The following RNF126 variants were observed in gnomAD, a reference collection of about 807,000 sequenced individuals.
RNF126 encodes the protein E3 ubiquitin-protein ligase RNF126.
A neutral mutation model predicts 41.9 loss-of-function variants in RNF126; 20 were observed. The observed-to-expected ratio is 0.48, with a 90% confidence interval of 0.34 to 0.69. The LOEUF (loss-of-function observed/expected upper bound fraction) is 0.69, where lower values mean the gene tolerates loss of function less well. Among genes scored for constraint, RNF126 ranks in the 30% least tolerant of loss-of-function variants. The pLI is 0.01. For missense variants in RNF126, 433 were observed against 460.6 expected (o/e 0.94, Z 0.55); for synonymous variants, 239 against 202.9 (o/e 1.18, Z -1.51).
Position 649,226 on chromosome 19 carries a change from G to T in RNF126, c.577-251C>A, listed in dbSNP as rs866821259. On this transcript the variant is annotated intron_variant, in intron 6 of 8. Transcript: ENST00000292363. ...TGGGTCCCTGACAGCGGAATGGGGG[G>T]GGGGGCCGCGCTCCTGAGTGCCCTG... 2.1e-4 allele frequency: 54 copies of T among 257,984 alleles called. 4 individuals carry two copies. The highest frequency in any genetic ancestry group is 9.3e-4 in the African/African-American group (42 of 45,010). 16.0% of individuals were successfully genotyped at this position (257,984 alleles called of 1,614,324 possible).
chr19:655,684 T>C (rs1013249482), intron 1 of RNF126, among the ~76,000 whole-genome samples: 7 of 151,890 alleles, frequency 4.6e-5, no homozygotes, highest in African/African-American at 1.5e-4. Flanking sequence ...GAGCTAGAAC[T>C]TTCACTCCAG....
chr19:648,283 T>C lies in RNF126; in HGVS notation c.787-6A>G. ...CAGACGGGGCAGCTGTCGTGCTTTG[T>C]GGGGACAGAGGCAGGGACGGGAGAA... On this transcript the variant is annotated splice_polypyrimidine_tract_variant and splice_region_variant and intron_variant, in intron 8 of 8. Transcript: ENST00000292363. 6.5e-7 allele frequency: 1 copy of C among 1,538,824 alleles called. No homozygotes were observed.
Position 651,781 on chromosome 19 carries a change from G to A in RNF126, c.273C>T (p.Phe91=), listed in dbSNP as rs1340838636. The A allele has an allele frequency of 6.2e-6, 10 of 1,612,702 alleles. No individual in the cohort carries two copies. The highest frequency in any genetic ancestry group is 1.1e-5 in the South Asian group (1 of 91,076). Residue 91 remains phenylalanine (F), a synonymous_variant, in exon 4 of 9, where the codon TTC becomes TTT. Transcript: ENST00000292363. ...QFAFGIFDDS[F]EIPTFPPGAQ... Reference sequence around the variant, plus strand: ...CCCCAGGAGGGAACGTGGGGATCTCGAAGCTGTCATCGAAGATGCCGAAAG... The same window carrying A: ...CCCCAGGAGGGAACGTGGGGATCTCAAAGCTGTCATCGAAGATGCCGAAAG...
chr19:649,039 C>T (rs943287325), intron 6 of RNF126, 64 bp from the exon 7 acceptor site: 3 of 812,480 alleles, frequency 3.7e-6, no homozygotes, highest in African/African-American at 1.8e-5. Flanking sequence ...CTCTGAAACG[C>T]GAGGCTGCAG....
intron 4 of RNF126, chr19:651,322 G>C (rs954570113): frequency 1.0e-4 from 29 of 290,844 alleles, no homozygotes; most frequent in African/African-American, 5.6e-4. Context: ...CCCAAGGCCT[G>C]GACAGCGTTT....
In RNF126 at chr19:662,672, C is replaced by T. The variant is rs1260289318; in HGVS notation, c.75+375G>A. On this transcript the variant is annotated intron_variant, in intron 1 of 8. Transcript: ENST00000292363. ...CACCGGGCAATACCCTCTCTCTGCT[C>T]GCCGGGCCTCAGTTTCTCCGTTTGC... Among the ~76,000 whole-genome samples the T allele has an allele frequency of 2.0e-5, 3 of 152,160 alleles. No individual in the cohort carries two copies. The South Asian group carries it at 6.2e-4, about 32-fold the overall frequency.
At chr19:662,764 C>G (rs992531695) in intron 1 of RNF126, among the ~76,000 whole-genome samples, 1 of 152,100 alleles carries the variant, frequency 6.6e-6, no homozygotes, top group Admixed American at 6.5e-5. Context: ...TCGGGAACGC[C>G]GCGGATGTGG....
chr19:662,790 A>C (rs1412608521), intron 1 of RNF126, among the ~76,000 whole-genome samples: 5 of 151,704 alleles, frequency 3.3e-5, no homozygotes, highest in African/African-American at 1.2e-4. Flanking sequence ...CCCGGCCGCG[A>C]TCCCGCTGCG....
Position 651,762 on chromosome 19 carries a change from G to A in RNF126, c.292C>T (p.Pro98Ser), listed in dbSNP as rs1166068924. Residue 98 changes from proline to serine, a missense_variant, in exon 4 of 9, where the codon CCT becomes TCT. Around this residue, in one of 5 missense-constraint regions of RNF126, gnomAD observed 247 missense variants for 224.7 expected, o/e 1.10. Coordinates refer to ENST00000292363, the MANE Select transcript of RNF126 (RefSeq NM_194460.3). ...DDSFEIPTFP[P>S]GAQADDGRDP... ...CTGCCGTCGTCAGCCTGCGCCCCAG[G>A]AGGGAACGTGGGGATCTCGAAGCTG... is the stretch of plus-strand genomic sequence containing the variant. 1 of 1,612,642 alleles carries A rather than the reference G, an allele frequency of 6.2e-7. No homozygotes were observed. The highest frequency in any genetic ancestry group is 1.3e-5 in the African/African-American group (1 of 74,926).
chr19:650,858 C>G (rs1291691838), intron 4 of RNF126, among the ~76,000 whole-genome samples: 10 of 152,078 alleles, frequency 6.6e-5, no homozygotes, highest in Non-Finnish European at 1.5e-4. Flanking sequence ...TCCCAAAGTG[C>G]TAGGATTACA....
intron 1 of RNF126, among the ~76,000 whole-genome samples, chr19:653,598 C>A (rs964406807): frequency 6.6e-6 from 1 of 152,204 alleles, no homozygotes; most frequent in South Asian, 2.1e-4. Context: ...GCTCACAGGG[C>A]GGACTCCTCA....
chr19:663,145 C>T lies in RNF126; in HGVS notation c.-24G>A. 8.6e-7 allele frequency: 1 copy of T among 1,161,506 alleles called. No homozygotes were observed. The highest frequency in any genetic ancestry group is 4.6e-5 in the Admixed American group (1 of 21,828). The allele number at this position is 1,161,506 out of a possible 1,614,324, so 71.9% of individuals were successfully genotyped here. A position where few individuals can be genotyped will look rare whatever the true frequency, so the allele number is the denominator to read the frequency against. ...ATGGCCGCCGCCACCTACTCCGCGC[C>T]GCCCGCCCCCCGCGCGGCACCCGCC... On this transcript the variant is annotated 5_prime_UTR_variant, in exon 1 of 9. Coordinates refer to ENST00000292363, the MANE Select transcript of RNF126 (RefSeq NM_194460.3).
chr19:656,670 A>C (rs1410045532), intron 1 of RNF126, among the ~76,000 whole-genome samples: 1 of 152,098 alleles, frequency 6.6e-6, no homozygotes, highest in Non-Finnish European at 1.5e-5. Context: ...AAAAAGGGAA[A>C]GGGGAAGGGG....
At chr19:656,034 G>C (rs2030549547) in intron 1 of RNF126, among the ~76,000 whole-genome samples, 1 of 152,050 alleles carries the variant, frequency 6.6e-6, no homozygotes. Flanking sequence ...ACCAGGGCCT[G>C]GGGGAGGGGA....
intron 2 of RNF126, 156 bp downstream of exon 2, chr19:652,670 G>A (rs768084832): frequency 2.7e-4 from 183 of 686,354 alleles, no homozygotes; most frequent in East Asian, 2.3e-3. Flanking sequence ...AGAACGGCAC[G>A]CTGCTGTCTG....
At position 651,868 on chromosome 19, in the gene RNF126, G is replaced by C; in HGVS notation, c.199-13C>G. Reference sequence around the variant, plus strand: ...GCTGGTCCACGTGCTGGGGAGAGGAGGGGGGCGTGACCTCGGGGGCTCAGG... The same window carrying C: ...GCTGGTCCACGTGCTGGGGAGAGGACGGGGGCGTGACCTCGGGGGCTCAGG... On this transcript the variant is annotated splice_polypyrimidine_tract_variant and intron_variant, in intron 3 of 8. Transcript: ENST00000292363. 17 of 1,599,384 alleles carry C rather than the reference G, an allele frequency of 1.1e-5. No individual in the cohort carries two copies. Among genetic ancestry groups the C allele is most frequent in the African/African-American group, 2.7e-5 (2 of 74,664 alleles).
At chr19:653,043 C>T (rs2030398466) in intron 1 of RNF126, among the ~76,000 whole-genome samples, 159 bp from the exon 2 acceptor site, 1 of 152,146 alleles carries the variant, frequency 6.6e-6, no homozygotes, top group Non-Finnish European at 1.5e-5. Flanking sequence ...GGAGGGCGGC[C>T]GAGGGGACCT....
rs1214550833 is a variant in RNF126 at position 659,724 on chromosome 19, G to A, written c.75+3323C>T. Among the ~76,000 whole-genome samples, 2 of 151,352 alleles carry A rather than the reference G, an allele frequency of 1.3e-5. No homozygotes were observed. The highest frequency in any genetic ancestry group is 2.9e-5 in the Non-Finnish European group (2 of 67,906). ...CGCCACACGCCCCACTCTGGCTGAC[G>A]CTCCCTTTGCTGCTCAGACACCCAG... On this transcript the variant is annotated intron_variant, in intron 1 of 8. Transcript: ENST00000292363. This position sits in a 1 kb window ranked among gnomAD's most constrained non-coding sequence, Gnocchi z 4.9.
chr19:662,976 A>ACCCCGG, intron 1 of RNF126, 71 bp downstream of exon 1: 1 of 741,370 alleles, frequency 1.3e-6, no homozygotes, highest in Non-Finnish European at 1.8e-6. Context: ...AGCGACCCCC[A>ACCCCGG]CCCCGGCCCC....
Sources: allele counts gnomAD v4.1 joint callset (sites outside exome capture counted in the v4.1 genomes callset), GRCh38; gene constraint gnomAD v4.1.1; regional missense constraint gnomAD v4.1.1; non-coding constraint Gnocchi (gnomAD v3.1); transcripts MANE v1.5; gene names NCBI Gene and HGNC (gene_info 2026-07-23, HGNC 2026-07-21).